Variants in TNFRSF10B observed in about 807,000 individuals in gnomAD.
TNFRSF10B encodes tumor necrosis factor receptor superfamily member 10B.
TNFRSF10B carries 35 observed loss-of-function variants against 41.4 expected under a neutral mutation model. That is an observed-to-expected ratio of 0.85 (90% CI 0.65 to 1.12). The LOEUF (loss-of-function observed/expected upper bound fraction) is 1.12, where lower values mean the gene tolerates loss of function less well. Among genes scored for constraint, TNFRSF10B ranks in the 50% most tolerant of loss-of-function variants. The pLI, the probability that TNFRSF10B is intolerant of heterozygous loss-of-function variation, is 0.00. For missense variants in TNFRSF10B, 584 were observed against 552.7 expected, an observed-to-expected ratio of 1.06 and a Z score of -0.57; for synonymous variants, 230 against 215.5, an observed-to-expected ratio of 1.07 and a Z score of -0.59.
At position 23,029,640 on chromosome 8, in the gene TNFRSF10B, G is replaced by T; in HGVS notation, c.446C>A (p.Ser149Tyr). 1 of 1,613,336 alleles carries T rather than the reference G, an allele frequency of 6.2e-7. No individual in the cohort carries two copies. Residue 149 changes from serine (S) to tyrosine (Y), a missense_variant, in exon 4 of 9, where the codon TCT becomes TAT. Coordinates refer to ENST00000276431, the MANE Select transcript of TNFRSF10B (RefSeq NM_003842.5). Reference protein sequence around the residue: ...CEEGTFREEDSPEMCRKCRTG... With the variant: ...CEEGTFREEDYPEMCRKCRTG... ...GCGGCACTTCCGGCACATCTCAGGA[G>T]AATCTTCTTCCCGGAAGGTGCCTTC...
At chr8:23,029,536 A>G in intron 4 of TNFRSF10B, 74 bp downstream of exon 4, 2 of 1,433,242 alleles carry the variant, frequency 1.4e-6, no homozygotes, top group Non-Finnish European at 1.9e-6. Flanking sequence ...GTCAGGGGAG[A>G]GACAGGGGTA....
chr8:23,066,452 A>T (rs2128822510), intron 1 of TNFRSF10B, among the ~76,000 whole-genome samples: 1 of 152,318 alleles, frequency 6.6e-6, no homozygotes, highest in East Asian at 1.9e-4. Context: ...CTCACAGGGA[A>T]ATGTCCAAAG....
rs1811752802 is a variant in TNFRSF10B, at chr8:23,027,768, G to A, written c.749-15C>T. On this transcript the variant is annotated splice_polypyrimidine_tract_variant and intron_variant, in intron 5 of 8. Coordinates refer to ENST00000276431, the MANE Select transcript of TNFRSF10B (RefSeq NM_003842.5). ...CCCACCACCACCTAAAAAAGAAGCA[G>A]TCTCCTTAGCAGGAAGGGAGGGGCC... is the stretch of plus-strand genomic sequence containing the variant. 2 of 1,613,890 alleles carry A rather than the reference G, an allele frequency of 1.2e-6. No homozygotes were observed. Among genetic ancestry groups the A allele is most frequent in the South Asian group, 1.1e-5 (1 of 91,082 alleles).
chr8:23,024,014 G>A (rs1811624305), intron 8 of TNFRSF10B, among the ~76,000 whole-genome samples, 174 bp downstream of exon 8: 1 of 152,140 alleles, frequency 6.6e-6, no homozygotes, highest in African/African-American at 2.4e-5. Context: ...ATGAGGTAGA[G>A]TGGGGAGAAG....
At chr8:23,062,498 G>A (rs57208491) in intron 1 of TNFRSF10B, among the ~76,000 whole-genome samples, 2,032 of 152,196 alleles carry the variant, frequency 0.013, 40 homozygotes, top group African/African-American at 0.046. Context: ...GATTATAGGC[G>A]TGAGCCATCA....
chr8:23,050,064 A>G (rs1162912025), intron 1 of TNFRSF10B: 1 of 152,240 alleles, frequency 6.6e-6, no homozygotes, highest in Non-Finnish European at 1.5e-5. Flanking sequence ...AAGAACAGAG[A>G]TAAGGAGCGG....
rs1811858891 is a variant in TNFRSF10B, at chr8:23,030,783, A to G, written c.340T>C (p.Leu114=). 3 of 1,613,110 alleles carry G rather than the reference A, an allele frequency of 1.9e-6. No homozygotes were observed. Among genetic ancestry groups the G allele is most frequent in the Non-Finnish European group, 1.7e-6 (2 of 1,179,522 alleles). Reference sequence around the variant, plus strand: ...CCTGAATCACACCTGGTGCAGCGCAAGCAGAAAAGGAGGTCATTCCAGTGA... The same window carrying G: ...CCTGAATCACACCTGGTGCAGCGCAGGCAGAAAAGGAGGTCATTCCAGTGA... ...STHWNDLLFC[L]RCTRCDSGEV... Residue 114 remains leucine (L), a synonymous_variant, in exon 3 of 9, where the codon TTG becomes CTG. Coordinates refer to ENST00000276431, the MANE Select transcript of TNFRSF10B (RefSeq NM_003842.5).
At chr8:23,057,870 C>T (rs1812717912) in intron 1 of TNFRSF10B, among the ~76,000 whole-genome samples, 1 of 152,206 alleles carries the variant, frequency 6.6e-6, no homozygotes, top group African/African-American at 2.4e-5. Context: ...AAGATAGCCA[C>T]AGCAGTTTTC....
intron 1 of TNFRSF10B, among the ~76,000 whole-genome samples, chr8:23,056,014 ACT>A (rs1440439890): frequency 7.2e-5 from 11 of 151,926 alleles, no homozygotes; most frequent in African/African-American, 2.4e-4. Context: ...AGAAATAAAA[ACT>A]CTTTCTTCCC....
chr8:23,032,141 G>A (rs1157111553), intron 2 of TNFRSF10B, among the ~76,000 whole-genome samples: 11 of 152,076 alleles, frequency 7.2e-5, no homozygotes, highest in African/African-American at 1.9e-4. Flanking sequence ...TCCAGACCTC[G>A]TGATCCACCT....
Position 23,022,706 on chromosome 8 carries a change from A to T in TNFRSF10B, c.1288T>A (p.Tyr430Asn), listed in dbSNP as rs371456402. The T allele has an allele frequency of 6.2e-6, 10 of 1,614,084 alleles. No individual in the cohort carries two copies. Among genetic ancestry groups the T allele is most frequent in the Non-Finnish European group, 8.5e-6 (10 of 1,180,026 alleles). Residue 430 changes from tyrosine to asparagine, a missense_variant, in exon 9 of 9, where the codon TAT (tyrosine) becomes AAT (asparagine). Coordinates refer to ENST00000276431, the MANE Select transcript of TNFRSF10B (RefSeq NM_003842.5). ...DHLLSSGKFM[Y>N]LEGNADSAMS Reference sequence around the variant, plus strand: ...GCAGAGTCTGCATTACCTTCTAGATACATGAACTTTCCAGAGCTCAACAAG... The same window carrying T: ...GCAGAGTCTGCATTACCTTCTAGATTCATGAACTTTCCAGAGCTCAACAAG...
chr8:23,059,443 T>G (rs1195149510), intron 1 of TNFRSF10B, among the ~76,000 whole-genome samples: 2 of 152,224 alleles, frequency 1.3e-5, no homozygotes, highest in Admixed American at 1.3e-4. Context: ...CATTTTACAT[T>G]CCCATTAACA....
chr8:23,068,486 A>C, intron 1 of TNFRSF10B: 10 of 554,514 alleles, frequency 1.8e-5, no homozygotes, highest in Admixed American at 3.3e-5. Context: ...TTACTCGGGA[A>C]TTCCCTCCTT....
At chr8:23,023,097 G>C in intron 8 of TNFRSF10B, 113 bp from the exon 9 acceptor site, 1 of 1,361,918 alleles carries the variant, frequency 7.3e-7, no homozygotes, top group Non-Finnish European at 1.0e-6. Context: ...CCGTGTGCGG[G>C]CAAACCTGCC....
Position 23,068,769 on chromosome 8 carries a change from GACA to G in TNFRSF10B, c.123_125del (p.Val42del). On this transcript the variant is annotated inframe_deletion, in exon 1 of 9. Coordinates refer to ENST00000276431, the MANE Select transcript of TNFRSF10B (RefSeq NM_003842.5). ...GACTCACCAACAGCAGGACCGCGGC[GACA>G]ACGAGCACAAGGGTCTTGGGGACCC... The G allele has an allele frequency of 6.3e-7, 1 of 1,596,736 alleles. No homozygotes were observed. The highest frequency in any genetic ancestry group is 1.3e-5 in the African/African-American group (1 of 74,714).
chr8:23,033,994 A>C (rs1585211231), intron 2 of TNFRSF10B, among the ~76,000 whole-genome samples: 1 of 152,162 alleles, frequency 6.6e-6, no homozygotes, highest in African/African-American at 2.4e-5. Flanking sequence ...TTGGGGACAC[A>C]ATTCAGTCTG....
intron 2 of TNFRSF10B, among the ~76,000 whole-genome samples, chr8:23,040,289 TTAAATATATATAATATATATTTAA>T (rs1563313894): frequency 1.5e-5 from 1 of 65,554 alleles, no homozygotes; most frequent in African/African-American, 3.8e-5. Context: ...TATATATTTA[TTAAATATATATAATATATATTTAA>T]TAAATATATA....
intron 2 of TNFRSF10B, 55 bp downstream of exon 2, chr8:23,043,083 G>T: frequency 1.3e-6 from 2 of 1,511,046 alleles, no homozygotes; most frequent in Non-Finnish European, 1.8e-6. Flanking sequence ...CAGACTGGAA[G>T]CTCATGGAGA....
intron 1 of TNFRSF10B, among the ~76,000 whole-genome samples, chr8:23,067,597 G>A (rs958710292): frequency 6.6e-6 from 1 of 152,136 alleles, no homozygotes; most frequent in Non-Finnish European, 1.5e-5. Flanking sequence ...CACAGCAGGA[G>A]GGGGAGGCAG....
Sources: allele counts gnomAD v4.1 joint callset (sites outside exome capture counted in the v4.1 genomes callset), GRCh38; gene constraint gnomAD v4.1.1; transcripts MANE v1.5; gene names NCBI Gene and HGNC (gene_info 2026-07-23, HGNC 2026-07-21).